Variants in ARFIP1 observed in about 807,000 individuals in gnomAD.
The protein encoded by ARFIP1 is ARF interacting protein 1.
A neutral mutation model predicts 42.5 loss-of-function variants in ARFIP1; 24 were observed. That is an observed-to-expected ratio of 0.57 (90% CI 0.41 to 0.80). The LOEUF is 0.80. Ranked by LOEUF, ARFIP1 falls within the 30% of genes least tolerant of loss-of-function variation. ARFIP1 has a pLI of 0.00. For synonymous variants in ARFIP1, 141 were observed against 153.7 expected (o/e 0.92, Z 0.61); for missense variants, 354 against 434.0 (o/e 0.82, Z 1.64).
intron 1 of ARFIP1, among the ~76,000 whole-genome samples, chr4:152,808,301 T>TTTTTTTTTTTTTTTTTG: frequency 7.5e-6 from 1 of 132,980 alleles, no homozygotes; most frequent in Non-Finnish European, 1.6e-5. Flanking sequence ...TTTTTTTTTT[T>TTTTTTTTTTTTTTTTTG]TTTTTTTTTT....
chr4:152,882,602 A>T, intron 6 of ARFIP1, 121 bp from the exon 7 acceptor site: 1 of 997,766 alleles, frequency 1.0e-6, no homozygotes, highest in Non-Finnish European at 1.4e-6. Context: ...GGAAAAGTAA[A>T]ACTGCTACAG....
At chr4:152,855,837 C>T (rs1733385738) in intron 2 of ARFIP1, among the ~76,000 whole-genome samples, 1 of 152,194 alleles carries the variant, frequency 6.6e-6, no homozygotes, top group Non-Finnish European at 1.5e-5. Context: ...CTGTCATTTA[C>T]CTCTTTCCCA....
intron 2 of ARFIP1, among the ~76,000 whole-genome samples, chr4:152,845,464 G>A (rs1288533733): frequency 2.0e-5 from 3 of 152,094 alleles, no homozygotes; most frequent in Non-Finnish European, 4.4e-5. Flanking sequence ...TCTGACAAAG[G>A]TATAATATCC....
intron 8 of ARFIP1, among the ~76,000 whole-genome samples, chr4:152,891,824 T>C (rs1054198655): frequency 6.6e-6 from 1 of 152,164 alleles, no homozygotes; most frequent in Non-Finnish European, 1.5e-5. Flanking sequence ...TTCTCTTGCC[T>C]CAGCCTCTCT....
At chr4:152,810,651 A>G (rs1023092923) in intron 1 of ARFIP1, among the ~76,000 whole-genome samples, 2 of 150,754 alleles carry the variant, frequency 1.3e-5, no homozygotes, top group South Asian at 4.3e-4. Flanking sequence ...TACTAAAAAT[A>G]CAAAAAAAAA....
chr4:152,863,357 G>T (rs561101296), intron 2 of ARFIP1, among the ~76,000 whole-genome samples: 2 of 152,290 alleles, frequency 1.3e-5, no homozygotes, highest in African/African-American at 4.8e-5. Flanking sequence ...TTTAATATCT[G>T]CCTGCTGCTT....
At chr4:152,891,630 G>A (rs540042248) in intron 8 of ARFIP1, among the ~76,000 whole-genome samples, 5 of 152,220 alleles carry the variant, frequency 3.3e-5, no homozygotes, top group Admixed American at 2.0e-4. Flanking sequence ...TAAACTAGGT[G>A]AATTTGTACC....
intron 2 of ARFIP1, among the ~76,000 whole-genome samples, chr4:152,832,856 T>G (rs1318669653): frequency 6.6e-6 from 1 of 152,184 alleles, no homozygotes; most frequent in African/African-American, 2.4e-5. Flanking sequence ...GCAAAAAAAT[T>G]AAATTGGATC....
intron 1 of ARFIP1, among the ~76,000 whole-genome samples, chr4:152,781,778 C>T (rs1303215914): frequency 6.6e-6 from 1 of 152,148 alleles, no homozygotes; most frequent in African/African-American, 2.4e-5. Context: ...AGTTTCTTTC[C>T]AAATTGATAA....
intron 8 of ARFIP1, among the ~76,000 whole-genome samples, chr4:152,907,241 T>C (rs1176415397): frequency 2.0e-5 from 3 of 152,150 alleles, no homozygotes; most frequent in Admixed American, 6.5e-5. Flanking sequence ...GTAAGTAACA[T>C]TTTAGGTGGT....
At chr4:152,801,111 C>T (rs184664464) in intron 1 of ARFIP1, among the ~76,000 whole-genome samples, 43 of 152,066 alleles carry the variant, frequency 2.8e-4, no homozygotes, top group African/African-American at 9.2e-4. Flanking sequence ...GTAGACACAT[C>T]GGGGAGGGAG....
chr4:152,837,441 G>T (rs1731744766), intron 2 of ARFIP1, among the ~76,000 whole-genome samples: 1 of 152,120 alleles, frequency 6.6e-6, no homozygotes, highest in African/African-American at 2.4e-5. Context: ...AACATGTACT[G>T]GTTTTTGATT....
intron 8 of ARFIP1, among the ~76,000 whole-genome samples, chr4:152,892,633 G>T (rs571159863): frequency 6.6e-6 from 1 of 152,108 alleles, no homozygotes; most frequent in Non-Finnish European, 1.5e-5. Context: ...CCTTTCTTCC[G>T]TATGGCAAAA....
chr4:152,890,758 T>C (rs1736777293), intron 8 of ARFIP1, among the ~76,000 whole-genome samples: 1 of 152,162 alleles, frequency 6.6e-6, no homozygotes. Flanking sequence ...TGATGATGTG[T>C]GTTTAGAGTT....
chr4:152,805,577 C>T (rs111844786), intron 1 of ARFIP1, among the ~76,000 whole-genome samples: 7 of 152,134 alleles, frequency 4.6e-5, no homozygotes, highest in Non-Finnish European at 1.0e-4. Flanking sequence ...TATCTTTCTT[C>T]GTAACCCTAG....
chr4:152,862,445 G>C (rs1356216981), intron 2 of ARFIP1, among the ~76,000 whole-genome samples: 6 of 149,124 alleles, frequency 4.0e-5, no homozygotes, highest in African/African-American at 1.5e-4. Flanking sequence ...TTTTGTCCTA[G>C]GTTTAAAAAA....
intron 1 of ARFIP1, chr4:152,796,696 T>G (rs1731490363): frequency 1.1e-6 from 1 of 880,772 alleles, no homozygotes; most frequent in Admixed American, 1.8e-5. Flanking sequence ...ATGATTAAGC[T>G]TAGCCTTCAG....
chr4:152,893,450 A>G (rs907275318), intron 8 of ARFIP1, among the ~76,000 whole-genome samples: 1 of 152,142 alleles, frequency 6.6e-6, no homozygotes, highest in African/African-American at 2.4e-5. Context: ...TTGGAAGTAT[A>G]AAGATGTGAA....
chr4:152,868,951 T>C (rs1734642446), intron 3 of ARFIP1, among the ~76,000 whole-genome samples: 1 of 152,224 alleles, frequency 6.6e-6, no homozygotes, highest in African/African-American at 2.4e-5. Flanking sequence ...TCATTAATCT[T>C]ACCGTTTAAT....
Sources: allele counts gnomAD v4.1 joint callset (sites outside exome capture counted in the v4.1 genomes callset), GRCh38; gene constraint gnomAD v4.1.1; transcripts MANE v1.5; gene names NCBI Gene and HGNC (gene_info 2026-07-23, HGNC 2026-07-21).